The following PLEKHA2 variants were observed in gnomAD, a reference collection of about 807,000 sequenced individuals.
PLEKHA2 encodes the protein pleckstrin homology domain containing A2.
PLEKHA2 carries 28 observed loss-of-function variants against 53.2 expected under a neutral mutation model. The ratio of observed to expected loss-of-function variants is 0.53; its 90% confidence interval spans 0.39 to 0.72. The LOEUF is 0.72. Ranked by LOEUF, PLEKHA2 falls within the 30% of genes least tolerant of loss-of-function variation. The pLI, the probability that PLEKHA2 is intolerant of heterozygous loss-of-function variation, is 0.00. For missense variants in PLEKHA2, 426 were observed against 537.9 expected (o/e 0.79, Z 2.06); for synonymous variants, 193 against 196.4 (o/e 0.98, Z 0.14).
chr8:38,942,573 G>A (rs139416918), intron 3 of PLEKHA2, among the ~76,000 whole-genome samples: 178 of 152,288 alleles, frequency 1.2e-3, no homozygotes, highest in African/African-American at 4.2e-3. Flanking sequence ...TTCAGGGGAG[G>A]ACTGTGACAT....
chr8:38,930,974 T>C (rs1368868616), intron 2 of PLEKHA2, among the ~76,000 whole-genome samples: 1 of 152,172 alleles, frequency 6.6e-6, no homozygotes, highest in Non-Finnish European at 1.5e-5. Context: ...TCTTAGTTTG[T>C]TTAGAAATCT....
intron 10 of PLEKHA2, among the ~76,000 whole-genome samples, chr8:38,958,967 A>G (rs910420982): frequency 5.3e-5 from 8 of 152,128 alleles, no homozygotes; most frequent in African/African-American, 1.7e-4. Context: ...TCCGTATGAC[A>G]CTGTGATGGT....
chr8:38,954,724 T>TA (rs111901773), intron 9 of PLEKHA2, among the ~76,000 whole-genome samples: 1 of 152,064 alleles, frequency 6.6e-6, no homozygotes, highest in African/African-American at 2.4e-5. Context: ...GGTGCCGTTT[T>TA]AAAAAAATAT....
At chr8:38,913,296 G>A (rs1180230675) in intron 1 of PLEKHA2, among the ~76,000 whole-genome samples, 7 of 151,744 alleles carry the variant, frequency 4.6e-5, no homozygotes, top group Non-Finnish European at 5.9e-5. Flanking sequence ...CCTGGGAGGC[G>A]GAGGTTGCAG....
At chr8:38,937,337 G>A (rs112143685) in intron 3 of PLEKHA2, among the ~76,000 whole-genome samples, 10 of 152,314 alleles carry the variant, frequency 6.6e-5, no homozygotes, top group African/African-American at 2.4e-4. Context: ...CAGAGGCCCA[G>A]GCCTGCCCGC....
chr8:38,963,751 T>C (rs62504409), intron 10 of PLEKHA2, among the ~76,000 whole-genome samples: 24,951 of 152,236 alleles, frequency 0.16, 2,172 homozygotes, highest in South Asian at 0.28. Flanking sequence ...TCATATGGAA[T>C]TCATTGCAAT....
intron 3 of PLEKHA2, among the ~76,000 whole-genome samples, chr8:38,936,657 T>G (rs2129419249): frequency 6.6e-6 from 1 of 152,356 alleles, no homozygotes; most frequent in South Asian, 2.1e-4. Flanking sequence ...GAGCAGGCCC[T>G]CTCTTGTGCT....
intron 1 of PLEKHA2, among the ~76,000 whole-genome samples, chr8:38,909,582 T>A (rs1327918343): frequency 6.6e-6 from 1 of 152,120 alleles, no homozygotes. Flanking sequence ...CTCGGGGCAA[T>A]TTTTTTCTTG....
chr8:38,953,222 G>T (rs1267129676), intron 8 of PLEKHA2, 75 bp from the exon 9 acceptor site: 17 of 1,157,920 alleles, frequency 1.5e-5, no homozygotes, highest in African/African-American at 1.2e-4. Context: ...TGAGAAAGGG[G>T]TATTGGTCAG....
chr8:38,907,288 A>G (rs999363231), intron 1 of PLEKHA2, among the ~76,000 whole-genome samples: 23 of 152,144 alleles, frequency 1.5e-4, no homozygotes, highest in African/African-American at 4.8e-4. Context: ...AGCCAATACC[A>G]CTGAAGGCTT....
At chr8:38,945,949 C>T (rs1180831029) in intron 4 of PLEKHA2, among the ~76,000 whole-genome samples, 175 bp from the exon 5 acceptor site, 1 of 151,994 alleles carries the variant, frequency 6.6e-6, no homozygotes, top group Non-Finnish European at 1.5e-5. Context: ...GCAGGTGTGG[C>T]CTGGGGCTTC....
At chr8:38,943,940 T>A in intron 4 of PLEKHA2, 103 bp downstream of exon 4, 1 of 874,558 alleles carries the variant, frequency 1.1e-6, no homozygotes, top group South Asian at 2.1e-5. Flanking sequence ...ACCCTGTGAG[T>A]ATGAGTGACT....
At chr8:38,910,204 G>A (rs1187736766) in intron 1 of PLEKHA2, among the ~76,000 whole-genome samples, 4 of 152,130 alleles carry the variant, frequency 2.6e-5, no homozygotes, top group East Asian at 1.9e-4. Flanking sequence ...TGATCAGCCC[G>A]CCTTGGCCTC....
At chr8:38,940,654 G>GC (rs1384483151) in intron 3 of PLEKHA2, among the ~76,000 whole-genome samples, 2 of 108,650 alleles carry the variant, frequency 1.8e-5, no homozygotes, top group South Asian at 3.8e-4. Flanking sequence ...AAGGGGCGGG[G>GC]GGGGGGGGTC....
At chr8:38,945,903 C>T (rs1834705384) in intron 4 of PLEKHA2, among the ~76,000 whole-genome samples, 1 of 152,166 alleles carries the variant, frequency 6.6e-6, no homozygotes, top group African/African-American at 2.4e-5. Context: ...GTTCCTGTGG[C>T]CAATGGGATG....
At chr8:38,958,953 C>T (rs987785175) in intron 10 of PLEKHA2, among the ~76,000 whole-genome samples, 2 of 152,118 alleles carry the variant, frequency 1.3e-5, no homozygotes, top group Admixed American at 6.6e-5. Context: ...GACAGTGAAA[C>T]GATTCCGTAT....
intron 1 of PLEKHA2, among the ~76,000 whole-genome samples, chr8:38,902,280 A>G (rs1272445507): frequency 6.6e-6 from 1 of 151,696 alleles, no homozygotes; most frequent in African/African-American, 2.4e-5. Context: ...GCACGCCCAG[A>G]GAGGGGCGCA....
rs753184292 is a variant in PLEKHA2, at chr8:38,969,864, G to A, written c.*81G>A. ...TGTGACTCAGTTTCTCTACCTTGTTGGAGGGTAGTCAGAGGCCTTTATGTC... is the reference window on the plus strand; with the variant it reads ...TGTGACTCAGTTTCTCTACCTTGTTAGAGGGTAGTCAGAGGCCTTTATGTC... On this transcript the variant is annotated 3_prime_UTR_variant, in exon 12 of 12. Coordinates refer to ENST00000617275, the MANE Select transcript of PLEKHA2 (RefSeq NM_021623.2). The A allele has an allele frequency of 2.4e-5, 36 of 1,523,800 alleles. No individual in the cohort carries two copies. Among genetic ancestry groups the A allele is most frequent in the Non-Finnish European group, 3.1e-5 (35 of 1,140,020 alleles). The allele number at this position is 1,523,800 out of a possible 1,614,324, so 94.4% of individuals were successfully genotyped here. A position where few individuals can be genotyped will look rare whatever the true frequency, so the allele number is the denominator to read the frequency against.
rs56714628 is a variant in PLEKHA2, at chr8:38,964,852, CTTTTTTTTTT to C, written c.838-3719_838-3710del. On this transcript the variant is annotated intron_variant, in intron 10 of 11. Coordinates refer to ENST00000617275, the MANE Select transcript of PLEKHA2 (RefSeq NM_021623.2). ...TATTTTATTTTTTCTTGTTACTTCC[CTTTTTTTTTT>C]TTTTTTTTTTTTTTTTTTTTGCAAA... Among the ~76,000 whole-genome samples, 23 of 54,958 alleles carry C rather than the reference CTTTTTTTTTT, an allele frequency of 4.2e-4. No individual in the cohort carries two copies. In the South Asian group the frequency reaches 9.1e-3, roughly 22 times the overall value. The allele number at this position is 54,958 out of a possible 152,430, so 36.1% of individuals were successfully genotyped here. A position where few individuals can be genotyped will look rare whatever the true frequency, so the allele number is the denominator to read the frequency against.
Sources: allele counts gnomAD v4.1 joint callset (sites outside exome capture counted in the v4.1 genomes callset), GRCh38; gene constraint gnomAD v4.1.1; transcripts MANE v1.5; gene names NCBI Gene and HGNC (gene_info 2026-07-23, HGNC 2026-07-21).